The following HCN1 variants were observed in gnomAD, a reference collection of about 807,000 sequenced individuals.
HCN1 encodes the protein potassium/sodium hyperpolarization-activated cyclic nucleotide-gated channel 1.
Under a neutral mutation model 78.9 loss-of-function variants are expected in HCN1, and 13 were observed. The ratio of observed to expected loss-of-function variants is 0.16; its 90% CI spans 0.11 to 0.26. HCN1 has a LOEUF of 0.26. Ranked by LOEUF, HCN1 falls within the 10% of genes least tolerant of loss-of-function variation. The probability of loss-of-function intolerance (pLI) is 1.00; values close to 1 mark genes in which losing one functional copy is unlikely to be tolerated. For missense variants in HCN1, 810 were observed against 1,154.3 expected (o/e 0.70, Z 4.32); for synonymous variants, 552 against 455.5 (o/e 1.21, Z -2.70).
rs944024304 is a variant in HCN1, at chr5:45,333,851, C to A, written c.1377+19249G>T. Among the ~76,000 whole-genome samples, 7 of 151,828 alleles carry A rather than the reference C, an allele frequency of 4.6e-5. No homozygotes were observed. In the East Asian group the frequency reaches 1.4e-3, roughly 30 times the overall value. On this transcript the variant is annotated intron_variant, in intron 5 of 7. Transcript: ENST00000303230. Reference sequence around the variant, plus strand: ...TTCCCACCAAACGTGTACAAGGGTTCCCTTTTCTCTACATCCTTGCCATCA... The same window carrying A: ...TTCCCACCAAACGTGTACAAGGGTTACCTTTTCTCTACATCCTTGCCATCA...
At chr5:45,474,127 C>A (rs1261111687) in intron 2 of HCN1, among the ~76,000 whole-genome samples, 2 of 151,804 alleles carry the variant, frequency 1.3e-5, no homozygotes, top group African/African-American at 2.4e-5. Flanking sequence ...ACATCCATAG[C>A]TTTCCATTTT....
At chr5:45,269,710 C>A (rs1443079790) in intron 6 of HCN1, among the ~76,000 whole-genome samples, 1 of 152,158 alleles carries the variant, frequency 6.6e-6, no homozygotes, top group Non-Finnish European at 1.5e-5. Context: ...CATTTCCCCC[C>A]ACTATCCTCA....
intron 5 of HCN1, among the ~76,000 whole-genome samples, chr5:45,315,272 G>A (rs914045730): frequency 3.3e-5 from 5 of 152,220 alleles, no homozygotes; most frequent in Middle Eastern, 3.4e-3. Context: ...ATTCAAAACC[G>A]CTCAACTACA....
chr5:45,346,685 T>A (rs1290935627), intron 5 of HCN1, among the ~76,000 whole-genome samples: 1 of 152,184 alleles, frequency 6.6e-6, no homozygotes, highest in East Asian at 1.9e-4. Flanking sequence ...TCTGATGGGC[T>A]TAAAAACCGG....
intron 5 of HCN1, among the ~76,000 whole-genome samples, chr5:45,323,204 T>C (rs1746158180): frequency 6.6e-6 from 1 of 151,804 alleles, no homozygotes; most frequent in Non-Finnish European, 1.5e-5. Context: ...GATGCAAGTA[T>C]TAAAATATAC....
At chr5:45,494,246 A>T (rs1238909209) in intron 2 of HCN1, among the ~76,000 whole-genome samples, 1 of 151,974 alleles carries the variant, frequency 6.6e-6, no homozygotes, top group Non-Finnish European at 1.5e-5. Flanking sequence ...ATTTCTCCAC[A>T]TCCTCTCCAG....
chr5:45,277,351 T>G (rs1241363138), intron 6 of HCN1, among the ~76,000 whole-genome samples: 1 of 152,100 alleles, frequency 6.6e-6, no homozygotes, highest in Non-Finnish European at 1.5e-5. Flanking sequence ...TTGATTGATC[T>G]AAAGCTGTAG....
At chr5:45,423,667 C>T (rs1484074039) in intron 3 of HCN1, among the ~76,000 whole-genome samples, 1 of 152,030 alleles carries the variant, frequency 6.6e-6, no homozygotes. Context: ...TTGTAAAAAG[C>T]TTATTTGTTA....
At chr5:45,420,545 T>A (rs982586549) in intron 3 of HCN1, among the ~76,000 whole-genome samples, 90 of 152,266 alleles carry the variant, frequency 5.9e-4, no homozygotes, top group African/African-American at 1.8e-3. Flanking sequence ...CGGAGAGTGA[T>A]CGTGGCAGGC....
chr5:45,647,210 T>G (rs1417251174), intron 1 of HCN1, among the ~76,000 whole-genome samples: 1 of 152,154 alleles, frequency 6.6e-6, no homozygotes, highest in Non-Finnish European at 1.5e-5. Flanking sequence ...CAAATACCCA[T>G]GTCAGCCATA....
chr5:45,584,462 A>C (rs1744158146), intron 2 of HCN1, among the ~76,000 whole-genome samples: 1 of 152,032 alleles, frequency 6.6e-6, no homozygotes, highest in South Asian at 2.1e-4. Context: ...CAGCACACTG[A>C]TGGGTCTTGA....
intron 1 of HCN1, among the ~76,000 whole-genome samples, chr5:45,661,322 T>A (rs1403027208): frequency 6.9e-6 from 1 of 145,082 alleles, no homozygotes; most frequent in Non-Finnish European, 1.5e-5. Context: ...GAGGGAAATT[T>A]ATAGCACTAA....
chr5:45,590,260 A>G (rs1227620431), intron 2 of HCN1, among the ~76,000 whole-genome samples: 1 of 152,198 alleles, frequency 6.6e-6, no homozygotes, highest in African/African-American at 2.4e-5. Context: ...AGGTAGAATA[A>G]TACATCAGGA....
intron 2 of HCN1, among the ~76,000 whole-genome samples, chr5:45,502,532 C>G (rs1742211470): frequency 6.6e-6 from 1 of 152,098 alleles, no homozygotes; most frequent in African/African-American, 2.4e-5. Context: ...TAGCCATGTA[C>G]AAGTTATTTA....
intron 2 of HCN1, among the ~76,000 whole-genome samples, chr5:45,593,313 CT>C (rs869118919): frequency 0.39 from 45,334 of 115,978 alleles, 9,456 homozygotes; most frequent in East Asian, 0.48. Context: ...CTCTCTCTCT[CT>C]CTCTCTCCCT....
At chr5:45,671,743 A>G (rs777841075) in intron 1 of HCN1, among the ~76,000 whole-genome samples, 1 of 151,716 alleles carries the variant, frequency 6.6e-6, no homozygotes, top group African/African-American at 2.4e-5. Flanking sequence ...AATATAAACA[A>G]TAGTTAAATA....
At chr5:45,670,880 A>C (rs1400268334) in intron 1 of HCN1, among the ~76,000 whole-genome samples, 2 of 151,802 alleles carry the variant, frequency 1.3e-5, no homozygotes, top group African/African-American at 2.4e-5. Context: ...TGAAGCAAAC[A>C]GCACATTTTA....
In HCN1 at chr5:45,404,039, C is replaced by T. The variant is rs1040370420; in HGVS notation, c.1012-7329G>A. Among the ~76,000 whole-genome samples the T allele has an allele frequency of 2.0e-5, 3 of 151,964 alleles. No individual in the cohort carries two copies. The East Asian group carries it at 5.8e-4, about 29-fold the overall frequency. On this transcript the variant is annotated intron_variant, in intron 3 of 7. Transcript: ENST00000303230. ...CTACAAAAGTCATAGGTTTTTTTGC[C>T]CCACTTCGGGCATCCTGTTTGCCTT...
chr5:45,419,245 T>C (rs1740179292), intron 3 of HCN1, among the ~76,000 whole-genome samples: 1 of 152,090 alleles, frequency 6.6e-6, no homozygotes, highest in Non-Finnish European at 1.5e-5. Flanking sequence ...CTGGAACAAG[T>C]TACCAAGTAA....
Sources: gnomAD v4.1 joint callset for allele counts (sites outside exome capture counted in the v4.1 genomes callset) on GRCh38, gnomAD v4.1.1 for gene constraint, MANE v1.5 for transcripts, NCBI Gene and HGNC (gene_info 2026-07-23, HGNC 2026-07-21) for gene names.